MRC1: variants seen among roughly 807,000 people sequenced by gnomAD.
The protein encoded by MRC1 is mannose receptor C-type 1.
MRC1 carries 62 observed loss-of-function variants against 102.9 expected under a neutral mutation model. The ratio of observed to expected loss-of-function variants is 0.60; its 90% CI spans 0.49 to 0.74. The LOEUF is 0.74. MRC1 is among the 30% of genes least tolerant of loss of function. The pLI is 0.00. For synonymous variants in MRC1, 457 were observed against 298.4 expected (o/e 1.53, Z -5.48); for missense variants, 1,237 against 862.8 (o/e 1.43, Z -5.43).
At chr10:17,831,472 A>G (rs1006338111) in intron 3 of MRC1, among the ~76,000 whole-genome samples, 6 of 151,496 alleles carry the variant, frequency 4.0e-5, no homozygotes, top group African/African-American at 1.5e-4. Flanking sequence ...TTCCTCTTTG[A>G]TATGTCATGG....
At chr10:17,883,989 TG>T (rs1168557514) in intron 21 of MRC1, among the ~76,000 whole-genome samples, 1 of 152,154 alleles carries the variant, frequency 6.6e-6, no homozygotes, top group African/African-American at 2.4e-5. Flanking sequence ...TGTGTAGAGA[TG>T]GGGTCTCCCT....
At chr10:17,876,171 G>A (rs1393864377) in intron 17 of MRC1, among the ~76,000 whole-genome samples, 1 of 152,070 alleles carries the variant, frequency 6.6e-6, no homozygotes, top group African/African-American at 2.4e-5. Flanking sequence ...TGGGAATGCA[G>A]GAGAAGGAGG....
At chr10:17,896,446 A>C (rs878901582) in intron 23 of MRC1, among the ~76,000 whole-genome samples, 109,367 of 151,942 alleles carry the variant, frequency 0.72, 39,840 homozygotes, top group African/African-American at 0.83. Context: ...GTTCTTTGGG[A>C]CAAGAGGGGA....
At chr10:17,869,540 T>C (rs1237514871) in intron 12 of MRC1, among the ~76,000 whole-genome samples, 4 of 152,192 alleles carry the variant, frequency 2.6e-5, no homozygotes, top group African/African-American at 9.7e-5. Context: ...TGCATACTGG[T>C]GGGTGTGTCC....
intron 9 of MRC1, among the ~76,000 whole-genome samples, chr10:17,857,222 TTGAATTCTGGAAACTTC>T (rs1489601367): frequency 5.3e-5 from 8 of 152,194 alleles, no homozygotes; most frequent in Non-Finnish European, 1.0e-4. Context: ...CTTCTAAGTT[TTGAATTCTGGAAACTTC>T]AGTTCAGAGA....
intron 3 of MRC1, among the ~76,000 whole-genome samples, chr10:17,832,005 CTGT>C (rs1838581467): frequency 6.6e-6 from 1 of 151,610 alleles, no homozygotes; most frequent in Non-Finnish European, 1.5e-5. Flanking sequence ...AGCGCTCCAC[CTGT>C]ATTAAATATA....
intron 26 of MRC1, among the ~76,000 whole-genome samples, chr10:17,906,163 T>C (rs1195074011): frequency 1.3e-5 from 2 of 152,122 alleles, no homozygotes; most frequent in African/African-American, 4.8e-5. Context: ...CTAACTGTTA[T>C]GTATAGGACC....
chr10:17,902,537 T>C (rs1483079827), intron 26 of MRC1, among the ~76,000 whole-genome samples: 1 of 152,180 alleles, frequency 6.6e-6, no homozygotes, highest in Non-Finnish European at 1.5e-5. Flanking sequence ...AAAACTCAAA[T>C]AGACACCACA....
At chr10:17,873,673 GAAC>G in intron 15 of MRC1, 108 bp from the exon 16 acceptor site, 1 of 776,940 alleles carries the variant, frequency 1.3e-6, no homozygotes, top group South Asian at 1.4e-5. Flanking sequence ...GGAAAAAAGA[GAAC>G]AACTAAGTTT....
At chr10:17,909,234 G>A (rs1833936711) in intron 28 of MRC1, 72 bp from the exon 29 acceptor site, 1 of 769,262 alleles carries the variant, frequency 1.3e-6, no homozygotes, top group African/African-American at 1.7e-5. Context: ...ATGTATTTGT[G>A]AGCCAAATAA....
chr10:17,884,308 T>C (rs1382944498), intron 21 of MRC1, among the ~76,000 whole-genome samples: 2 of 152,212 alleles, frequency 1.3e-5, no homozygotes, highest in South Asian at 4.2e-4. Flanking sequence ...GTCCCCTAGA[T>C]CCAAGCACAC....
At chr10:17,894,566 A>G (rs1274996640) in intron 23 of MRC1, among the ~76,000 whole-genome samples, 2 of 151,270 alleles carry the variant, frequency 1.3e-5, no homozygotes, top group Non-Finnish European at 2.9e-5. Flanking sequence ...CGCCTGGCTA[A>G]TTTTTGTATT....
At chr10:17,893,135 C>T (rs1487885553) in intron 22 of MRC1, among the ~76,000 whole-genome samples, 1 of 151,806 alleles carries the variant, frequency 6.6e-6, no homozygotes, top group Non-Finnish European at 1.5e-5. Flanking sequence ...CTCAGCCCTT[C>T]CTTCCCTCCC....
At chr10:17,890,884 TC>T (rs1554843055) in intron 22 of MRC1, among the ~76,000 whole-genome samples, 1 of 152,076 alleles carries the variant, frequency 6.6e-6, no homozygotes, top group African/African-American at 2.4e-5. Context: ...CAGCCGTTCC[TC>T]GTCACTCGCA....
At chr10:17,817,816 A>G (rs1838335628) in intron 1 of MRC1, among the ~76,000 whole-genome samples, 2 of 152,208 alleles carry the variant, frequency 1.3e-5, no homozygotes. Context: ...TGGTGTGGTT[A>G]ATATTGGTAA....
intron 24 of MRC1, among the ~76,000 whole-genome samples, chr10:17,900,559 C>T (rs1224792569): frequency 6.6e-6 from 1 of 151,970 alleles, no homozygotes; most frequent in Non-Finnish European, 1.5e-5. Context: ...GAAATAACTT[C>T]CAAGGATGTA....
intron 1 of MRC1, among the ~76,000 whole-genome samples, chr10:17,811,581 A>G (rs1554837443): frequency 6.6e-6 from 1 of 151,500 alleles, no homozygotes; most frequent in East Asian, 1.9e-4. Context: ...TTGTTTTTTG[A>G]GACTGGTTTC....
At chr10:17,871,820 TCTA>T (rs1833358842) in intron 14 of MRC1, among the ~76,000 whole-genome samples, 159 bp from the exon 15 acceptor site, 1 of 152,200 alleles carries the variant, frequency 6.6e-6, no homozygotes, top group Non-Finnish European at 1.5e-5. Flanking sequence ...CTGTTTCTTT[TCTA>T]CTACGTTTGT....
At chr10:17,888,339 T>C (rs2130701909) in intron 22 of MRC1, among the ~76,000 whole-genome samples, 1 of 152,300 alleles carries the variant, frequency 6.6e-6, no homozygotes, top group Admixed American at 6.5e-5. Context: ...GCCTGATAGT[T>C]GCAGCACATG....
Sources: gnomAD v4.1 joint callset for allele counts (sites outside exome capture counted in the v4.1 genomes callset) on GRCh38, gnomAD v4.1.1 for gene constraint, MANE v1.5 for transcripts, NCBI Gene and HGNC (gene_info 2026-07-23, HGNC 2026-07-21) for gene names.